Variants in AUH observed in about 807,000 individuals in gnomAD.
AUH encodes the protein methylglutaconyl-CoA hydratase, mitochondrial.
AUH carries 29 observed loss-of-function variants against 42.3 expected under a neutral mutation model. That is an observed-to-expected ratio of 0.69 (90% confidence interval 0.51 to 0.93). The LOEUF (loss-of-function observed/expected upper bound fraction) is 0.93, where lower values mean the gene tolerates loss of function less well. AUH is among the 40% of genes least tolerant of loss of function. The probability of loss-of-function intolerance (pLI) is 0.00; values close to 1 mark genes in which losing one functional copy is unlikely to be tolerated. For synonymous variants in AUH, 174 were observed against 166.4 expected (o/e 1.05, Z -0.35); for missense variants, 452 against 438.1 (o/e 1.03, Z -0.28).
chr9:91,266,088 C>G (rs1705272), intron 6 of AUH, among the ~76,000 whole-genome samples: 18,641 of 152,112 alleles, frequency 0.12, 1,649 homozygotes, highest in African/African-American at 0.25. Flanking sequence ...TACGGCCGGG[C>G]ACGGTGGCTC....
intron 3 of AUH, among the ~76,000 whole-genome samples, chr9:91,336,414 G>C (rs1490948847): frequency 1.3e-5 from 2 of 152,116 alleles, no homozygotes; most frequent in African/African-American, 4.8e-5. Flanking sequence ...TGAATCACTT[G>C]AGGCCACGAG....
intron 3 of AUH, among the ~76,000 whole-genome samples, chr9:91,355,266 G>GA (rs1832318843): frequency 6.6e-6 from 1 of 152,204 alleles, no homozygotes; most frequent in Admixed American, 6.5e-5. Flanking sequence ...CCTTAAGAAT[G>GA]AAACTAGGGG....
At chr9:91,339,443 C>G (rs1044512767) in intron 3 of AUH, among the ~76,000 whole-genome samples, 1 of 152,122 alleles carries the variant, frequency 6.6e-6, no homozygotes, top group Non-Finnish European at 1.5e-5. Flanking sequence ...AGTCAATATA[C>G]TGCAGGTACT....
At chr9:91,310,602 C>T (rs1353285401) in intron 4 of AUH, among the ~76,000 whole-genome samples, 2 of 152,196 alleles carry the variant, frequency 1.3e-5, no homozygotes, top group Non-Finnish European at 2.9e-5. Flanking sequence ...GAGTTCATCA[C>T]ATTTTAACAA....
intron 6 of AUH, among the ~76,000 whole-genome samples, chr9:91,284,440 G>A (rs565989009): frequency 4.1e-4 from 62 of 152,032 alleles, no homozygotes; most frequent in African/African-American, 1.3e-3. Flanking sequence ...AAGCAATGGC[G>A]ACAAAAGCCA....
chr9:91,303,370 G>A (rs992986079), intron 4 of AUH, among the ~76,000 whole-genome samples: 2 of 151,828 alleles, frequency 1.3e-5, no homozygotes, highest in East Asian at 1.9e-4. Context: ...TTGCTCTGTC[G>A]CCCAGGCTAG....
intron 6 of AUH, among the ~76,000 whole-genome samples, chr9:91,262,309 T>C (rs1297632969): frequency 6.6e-6 from 1 of 152,218 alleles, no homozygotes; most frequent in South Asian, 2.1e-4. Flanking sequence ...TGCTTTCTAA[T>C]AGAAATATTT....
intron 6 of AUH, among the ~76,000 whole-genome samples, chr9:91,256,786 TG>T (rs775070460): frequency 6.6e-6 from 1 of 152,044 alleles, no homozygotes; most frequent in Non-Finnish European, 1.5e-5. Context: ...ACCTACTCTC[TG>T]GTGTGGTGAG....
Position 91,356,175 on chromosome 9 carries a change from A to G in AUH, c.263-20T>C, listed in dbSNP as rs984342730. 6.2e-7 allele frequency: 1 copy of G among 1,607,936 alleles called. No individual in the cohort carries two copies. The highest frequency in any genetic ancestry group is 1.7e-5 in the Admixed American group (1 of 59,940). Reference sequence around the variant, plus strand: ...CAATTCCTAGTTAAAGGGGAAAAAAAGTACAAGCACTTGAGTGAGCAAGGC... The same window carrying G: ...CAATTCCTAGTTAAAGGGGAAAAAAGGTACAAGCACTTGAGTGAGCAAGGC... On this transcript the variant is annotated intron_variant, in intron 1 of 9. Coordinates refer to ENST00000375731, the MANE Select transcript of AUH (RefSeq NM_001698.3).
rs863223913 is a variant in AUH at position 91,217,305 on chromosome 9, G to T, written c.866C>A (p.Ala289Glu). 1 of 1,613,708 alleles carries T rather than the reference G, an allele frequency of 6.2e-7. No individual in the cohort carries two copies. The highest frequency in any genetic ancestry group is 8.5e-7 in the Non-Finnish European group (1 of 1,179,830). ...CATCCCTTGATTAATTGCTAATTTT[G>T]CCACTCTCATTGCAACAGGTCCCTA... ...LPQGPVAMRVAKLAINQGMEV... is the reference protein window; with the variant it reads ...LPQGPVAMRVEKLAINQGMEV... Residue 289 changes from alanine (A) to glutamate (E), a missense_variant, in exon 8 of 10, where the codon GCA becomes GAA. Ala to Glu is a moderately radical substitution (Grantham distance 107). Transcript: ENST00000375731.
chr9:91,344,428 T>A (rs1337382617), intron 3 of AUH, among the ~76,000 whole-genome samples: 1 of 152,200 alleles, frequency 6.6e-6, no homozygotes, highest in East Asian at 1.9e-4. Context: ...AAAACCAAGC[T>A]GTAGACTGAA....
intron 6 of AUH, among the ~76,000 whole-genome samples, chr9:91,288,191 C>T (rs997415949): frequency 6.6e-6 from 1 of 152,036 alleles, no homozygotes; most frequent in Non-Finnish European, 1.5e-5. Flanking sequence ...CCAAAACCTC[C>T]AGTAGAAGAG....
intron 4 of AUH, among the ~76,000 whole-genome samples, chr9:91,324,834 T>C (rs1323439087): frequency 6.6e-6 from 1 of 151,586 alleles, no homozygotes; most frequent in Non-Finnish European, 1.5e-5. Context: ...GGGTATTCAC[T>C]ACCTTATTAT....
intron 4 of AUH, among the ~76,000 whole-genome samples, chr9:91,323,008 G>A (rs1829700725): frequency 6.6e-6 from 1 of 152,076 alleles, no homozygotes; most frequent in Non-Finnish European, 1.5e-5. Context: ...ATTAAAAACA[G>A]AAATAATCTC....
At chr9:91,318,053 T>G (rs1829288431) in intron 4 of AUH, among the ~76,000 whole-genome samples, 1 of 152,216 alleles carries the variant, frequency 6.6e-6, no homozygotes, top group Admixed American at 6.5e-5. Context: ...TTCCATTGTT[T>G]CTCTCGGATT....
At chr9:91,359,729 T>C (rs1334106354) in intron 1 of AUH, among the ~76,000 whole-genome samples, 2 of 152,188 alleles carry the variant, frequency 1.3e-5, no homozygotes, top group African/African-American at 4.8e-5. Context: ...GAGGCTCCTG[T>C]GACTAGGAGA....
In AUH at chr9:91,323,773, TATAA is replaced by T. The variant is rs200420175; in HGVS notation, c.505+1541_505+1544del. Among the ~76,000 whole-genome samples, 1,390 of 151,708 alleles carry T rather than the reference TATAA, an allele frequency of 9.2e-3. 12 individuals are homozygous for T. The highest frequency in any genetic ancestry group is 0.014 in the Non-Finnish European group (977 of 67,882). ...AAAAAAGATATAAGACCAAGAAAAGTATAAAACTTCCTTGAAAGACATTAAAAAA... is the reference window on the plus strand; with the variant it reads ...AAAAAAGATATAAGACCAAGAAAAGTAACTTCCTTGAAAGACATTAAAAAA... On this transcript the variant is annotated intron_variant, in intron 4 of 9. Transcript: ENST00000375731.
chr9:91,280,849 A>C (rs990460104), intron 6 of AUH, among the ~76,000 whole-genome samples: 2 of 152,194 alleles, frequency 1.3e-5, no homozygotes, highest in Non-Finnish European at 2.9e-5. Context: ...TGAGGTTTAC[A>C]TCAAGGTTCT....
chr9:91,340,014 G>C (rs973977675), intron 3 of AUH, among the ~76,000 whole-genome samples: 1 of 152,106 alleles, frequency 6.6e-6, no homozygotes, highest in Non-Finnish European at 1.5e-5. Context: ...AATGCACTAG[G>C]GTTCCCTAAT....
Sources: gnomAD v4.1 joint callset for allele counts (sites outside exome capture counted in the v4.1 genomes callset) on GRCh38, gnomAD v4.1.1 for gene constraint, MANE v1.5 for transcripts, NCBI Gene and HGNC (gene_info 2026-07-23, HGNC 2026-07-21) for gene names.